Variants in PLD5 observed in about 807,000 individuals in gnomAD.
PLD5 encodes the protein phospholipase D family member 5.
Under a neutral mutation model 61.1 loss-of-function variants are expected in PLD5, and 36 were observed. That is an observed-to-expected ratio of 0.59 (90% CI 0.45 to 0.78). The LOEUF (loss-of-function observed/expected upper bound fraction) is 0.78. PLD5 is among the 30% of genes least tolerant of loss of function. The pLI is 0.00. For missense variants in PLD5, 515 were observed against 644.4 expected, an observed-to-expected ratio of 0.80 and a Z score of 2.17; for synonymous variants, 243 against 242.8, an observed-to-expected ratio of 1.00 and a Z score of -0.01.
chr1:242,502,071 C>T (rs1400984716), intron 1 of PLD5, among the ~76,000 whole-genome samples: 1 of 152,098 alleles, frequency 6.6e-6, no homozygotes, highest in East Asian at 1.9e-4. Context: ...AGGACTGCAG[C>T]GACCACCTAC....
intron 5 of PLD5, among the ~76,000 whole-genome samples, chr1:242,151,772 A>C (rs1480735606): frequency 6.6e-6 from 1 of 152,052 alleles, no homozygotes; most frequent in East Asian, 1.9e-4. Context: ...CAAGTACATA[A>C]ATTTTAATCC....
At chr1:242,194,720 A>T (rs1051631381) in intron 5 of PLD5, among the ~76,000 whole-genome samples, 1 of 152,130 alleles carries the variant, frequency 6.6e-6, no homozygotes, top group Non-Finnish European at 1.5e-5. Flanking sequence ...AATTAATGCC[A>T]TTCACAGCAA....
intron 9 of PLD5, among the ~76,000 whole-genome samples, chr1:242,099,030 T>C (rs1660476301): frequency 6.6e-6 from 1 of 152,248 alleles, no homozygotes. Context: ...GGAGGCAGTC[T>C]GTCCATTCTC....
At chr1:242,122,121 A>G (rs982827310) in intron 6 of PLD5, among the ~76,000 whole-genome samples, 2 of 152,238 alleles carry the variant, frequency 1.3e-5, no homozygotes, top group Non-Finnish European at 1.5e-5. Context: ...ACACAGTTTA[A>G]AAAACTACCC....
chr1:242,269,629 G>A (rs568135105), intron 3 of PLD5, among the ~76,000 whole-genome samples: 25 of 151,684 alleles, frequency 1.6e-4, no homozygotes, highest in Admixed American at 3.9e-4. Context: ...GGAGGTTGCC[G>A]GATGATTAAG....
At chr1:242,497,087 G>A (rs934092150) in intron 1 of PLD5, among the ~76,000 whole-genome samples, 10 of 152,188 alleles carry the variant, frequency 6.6e-5, no homozygotes, top group East Asian at 3.9e-4. Context: ...AGCTGCCTAC[G>A]TCTTAACTTT....
chr1:242,318,117 C>CAA (rs1353402424), intron 2 of PLD5, among the ~76,000 whole-genome samples: 1 of 152,036 alleles, frequency 6.6e-6, no homozygotes, highest in Non-Finnish European at 1.5e-5. Flanking sequence ...AGAAGACAAA[C>CAA]AAAAAGGGAG....
intron 4 of PLD5, among the ~76,000 whole-genome samples, chr1:242,263,144 G>T (rs74868354): frequency 6.6e-6 from 1 of 152,082 alleles, no homozygotes; most frequent in Non-Finnish European, 1.5e-5. Context: ...AGCCTGCCTG[G>T]CCTTTTTCTG....
rs929168308 is a variant in PLD5, at chr1:242,221,923, T to C, written c.608-1808A>G. On this transcript the variant is annotated intron_variant, in intron 4 of 9. Coordinates refer to ENST00000536534, the MANE Select transcript of PLD5 (RefSeq NM_001372062.1). The stretch of plus-strand genomic sequence containing the variant: ...CTATAACAAAGTACCCTAATCTGGA[T>C]GACTTAAAACAGCAGAAACTTATCC... Among the ~76,000 whole-genome samples the C allele has an allele frequency of 2.0e-5, 3 of 152,118 alleles. No homozygotes were observed. The East Asian group carries it at 5.8e-4, about 29-fold the overall frequency.
chr1:242,192,665 T>C (rs1470324758), intron 5 of PLD5, among the ~76,000 whole-genome samples: 1 of 152,180 alleles, frequency 6.6e-6, no homozygotes, highest in African/African-American at 2.4e-5. Flanking sequence ...CTCTAGATCA[T>C]GTAACACGGA....
chr1:242,135,125 T>A (rs1195505377), intron 5 of PLD5, among the ~76,000 whole-genome samples: 1 of 152,180 alleles, frequency 6.6e-6, no homozygotes, highest in Non-Finnish European at 1.5e-5. Context: ...ATACGGTTGT[T>A]GGGATAATTA....
At chr1:242,200,052 A>G (rs2148953622) in intron 5 of PLD5, among the ~76,000 whole-genome samples, 1 of 152,296 alleles carries the variant, frequency 6.6e-6, no homozygotes, top group East Asian at 1.9e-4. Context: ...CGTTTTGATG[A>G]ACCATTCTCT....
At chr1:242,274,847 C>T (rs1328741113) in intron 3 of PLD5, among the ~76,000 whole-genome samples, 1 of 152,128 alleles carries the variant, frequency 6.6e-6, no homozygotes, top group Admixed American at 6.5e-5. Context: ...ATAAAGAGAC[C>T]TTTCTTTGTA....
intron 1 of PLD5, among the ~76,000 whole-genome samples, chr1:242,470,640 A>G (rs1003413596): frequency 6.6e-6 from 1 of 152,202 alleles, no homozygotes; most frequent in Admixed American, 6.5e-5. Context: ...TATTATTACT[A>G]TTAACACTAC....
intron 1 of PLD5, among the ~76,000 whole-genome samples, chr1:242,520,552 C>T (rs983622297): frequency 6.6e-6 from 1 of 152,182 alleles, no homozygotes; most frequent in African/African-American, 2.4e-5. Flanking sequence ...CACACTTTGA[C>T]AGGAGCTAAT....
chr1:242,215,659 T>A (rs955822090), intron 5 of PLD5, among the ~76,000 whole-genome samples: 1 of 152,028 alleles, frequency 6.6e-6, no homozygotes, highest in Non-Finnish European at 1.5e-5. Context: ...CATCAAACCA[T>A]AGCATGGCAT....
intron 1 of PLD5, among the ~76,000 whole-genome samples, chr1:242,366,069 AG>A (rs1661324409): frequency 6.6e-6 from 1 of 152,256 alleles, no homozygotes; most frequent in Non-Finnish European, 1.5e-5. Flanking sequence ...AAATGAAAAA[AG>A]CTTCCCAATT....
At chr1:242,313,731 T>C (rs1451407734) in intron 2 of PLD5, among the ~76,000 whole-genome samples, 5 of 152,332 alleles carry the variant, frequency 3.3e-5, no homozygotes, top group South Asian at 4.1e-4. Flanking sequence ...CTTTACTTTT[T>C]GCCTATCTTC....
chr1:242,367,365 G>C (rs1417196001), intron 1 of PLD5, among the ~76,000 whole-genome samples: 1 of 152,174 alleles, frequency 6.6e-6, no homozygotes, highest in Non-Finnish European at 1.5e-5. Flanking sequence ...GCTCTGGAAT[G>C]ACTGGCACAA....
Sources: allele counts gnomAD v4.1 joint callset (sites outside exome capture counted in the v4.1 genomes callset), GRCh38; gene constraint gnomAD v4.1.1; transcripts MANE v1.5; gene names NCBI Gene and HGNC (gene_info 2026-07-23, HGNC 2026-07-21).